FAN1: variants seen among roughly 807,000 people sequenced by gnomAD.
FAN1 encodes FANCD2 and FANCI associated nuclease 1, also known as fanconi-associated nuclease 1.
FAN1 carries 91 observed loss-of-function variants against 104.9 expected under a neutral mutation model. The observed-to-expected ratio is 0.87, with a 90% CI of 0.73 to 1.03. The LOEUF is 1.03. FAN1 is among the 50% of genes least tolerant of loss of function. The pLI is 0.00. For missense variants in FAN1, 1,263 were observed against 1,239.9 expected (o/e 1.02, Z -0.28); for synonymous variants, 478 against 457.6 (o/e 1.04, Z -0.57).
intron 13 of FAN1, among the ~76,000 whole-genome samples, chr15:30,934,246 C>T (rs188917965): frequency 2.0e-3 from 307 of 152,110 alleles, no homozygotes; most frequent in South Asian, 3.7e-3. Context: ...CCACTTCAGC[C>T]TTCTTTTTTT....
chr15:30,909,260 G>C (rs531475756), intron 3 of FAN1, among the ~76,000 whole-genome samples: 6 of 152,200 alleles, frequency 3.9e-5, no homozygotes, highest in Non-Finnish European at 8.8e-5. Flanking sequence ...ATTGTGGGGA[G>C]CAGTAAGTGG....
intron 10 of FAN1, chr15:30,927,618 G>A (rs752063014): frequency 9.5e-5 from 94 of 985,450 alleles, no homozygotes; most frequent in Non-Finnish European, 1.1e-4. Context: ...GTAAATGTCA[G>A]GTGGGACCAG....
intron 2 of FAN1, 71 bp downstream of exon 2, chr15:30,905,968 TGG>T: frequency 2.1e-6 from 3 of 1,417,216 alleles, no homozygotes; most frequent in Non-Finnish European, 2.9e-6. Flanking sequence ...CATGATGTGA[TGG>T]GCAGTAATCT....
chr15:30,929,676 A>G (rs1351416130), intron 12 of FAN1, among the ~76,000 whole-genome samples: 2 of 118,718 alleles, frequency 1.7e-5, no homozygotes, highest in Middle Eastern at 6.9e-3. Context: ...TATATAATAT[A>G]TCATATAATA....
At position 30,905,133 on chromosome 15, in the gene FAN1, C is replaced by A; in HGVS notation, c.470C>A (p.Ser157Tyr). ...GTCATTTGTTTGGGAAGCCTAGCAT[C>A]TAAATTGTCCAGAAAATACGTAAAG... ...VKVICLGSLA[S>Y]KLSRKYVKAK... Residue 157 changes from serine to tyrosine, a missense_variant, in exon 2 of 15, where the codon TCT becomes TAT. Ser to Tyr is a moderately radical substitution (Grantham distance 144). Coordinates refer to ENST00000362065, the MANE Select transcript of FAN1 (RefSeq NM_014967.5). The A allele has an allele frequency of 1.2e-6, 2 of 1,613,960 alleles. No individual in the cohort carries two copies. Among genetic ancestry groups the A allele is most frequent in the Non-Finnish European group, 1.7e-6 (2 of 1,180,024 alleles).
intron 10 of FAN1, chr15:30,927,826 T>G: frequency 1.0e-6 from 1 of 985,656 alleles, no homozygotes; most frequent in African/African-American, 1.7e-5. Context: ...GTCTGTGTGT[T>G]GTGCCAAGGC....
Position 30,929,377 on chromosome 15 carries a change from A to G in FAN1, c.2767A>G (p.Thr923Ala). ...VASLVSWDRF[T>A]SLQQAQDLVS... ...TTCCCTTGTCAGCTGGGATCGCTTCACGTCTCTTCAGCAAGCTCAGGTAAT... is the reference window on the plus strand; with the variant it reads ...TTCCCTTGTCAGCTGGGATCGCTTCGCGTCTCTTCAGCAAGCTCAGGTAAT... The change falls in exon 12 of 15, where the codon ACG (threonine) becomes GCG (alanine). Residue 923 changes from threonine (T) to alanine (A), a missense_variant. Thr to Ala is a moderately conservative substitution (Grantham distance 58). This residue lies in a region of FAN1 where 581 missense variants were observed against 668.8 expected (regional missense o/e 0.87). Transcript: ENST00000362065. 6.2e-7 allele frequency: 1 copy of G among 1,607,092 alleles called. No homozygotes were observed. The highest frequency in any genetic ancestry group is 8.5e-7 in the Non-Finnish European group (1 of 1,176,736).
At position 30,942,854 on chromosome 15, in the gene FAN1, G is replaced by A. The variant is rs772649590; in HGVS notation, c.*1292G>A. On this transcript the variant is annotated 3_prime_UTR_variant, in exon 15 of 15. Transcript: ENST00000362065. Reference sequence around the variant, plus strand: ...CTGAAAAAGAGGTGTTTGGTTACGTGTGAGCCAACATCACGTTTTGTTAGC... The same window carrying A: ...CTGAAAAAGAGGTGTTTGGTTACGTATGAGCCAACATCACGTTTTGTTAGC... The A allele has an allele frequency of 1.3e-6, 2 of 1,529,952 alleles. No homozygotes were observed. The highest frequency in any genetic ancestry group is 2.4e-5 in the East Asian group (1 of 41,174). 94.8% of individuals were successfully genotyped at this position (1,529,952 alleles called of 1,614,324 possible).
At chr15:30,904,415 GT>G in intron 1 of FAN1, 96 bp from the exon 2 acceptor site, 1 of 575,310 alleles carries the variant, frequency 1.7e-6, no homozygotes, top group South Asian at 2.0e-5. Flanking sequence ...TTGTCTCCTC[GT>G]TACAGGAGAC....
chr15:30,939,541 G>A (rs1193010307), intron 14 of FAN1: 1 of 971,796 alleles, frequency 1.0e-6, no homozygotes, highest in East Asian at 1.1e-4. Context: ...AAAAATAAAA[G>A]TATTTTACAT....
chr15:30,936,951 G>C (rs1039636079), intron 13 of FAN1, among the ~76,000 whole-genome samples, 168 bp from the exon 14 acceptor site: 4 of 152,130 alleles, frequency 2.6e-5, no homozygotes, highest in African/African-American at 4.8e-5. Flanking sequence ...AAATCCTAAG[G>C]TGAACCATTG....
intron 2 of FAN1, among the ~76,000 whole-genome samples, chr15:30,906,851 A>C (rs1303223201): frequency 2.0e-5 from 3 of 152,192 alleles, no homozygotes; most frequent in African/African-American, 7.2e-5. Flanking sequence ...ATAATAGCAC[A>C]TTGGCTTTTC....
intron 12 of FAN1, 21 bp downstream of exon 12, chr15:30,929,418 C>G: frequency 2.5e-6 from 4 of 1,574,144 alleles, no homozygotes; most frequent in Non-Finnish European, 3.5e-6. Flanking sequence ...ACCTGCATGG[C>G]AGGATTTGCT....
At chr15:30,910,467 C>T in intron 3 of FAN1, 147 bp from the exon 4 acceptor site, 7 of 544,886 alleles carry the variant, frequency 1.3e-5, no homozygotes, top group Non-Finnish European at 2.3e-5. Context: ...TTAATAATAC[C>T]ATGTTAATAA....
Position 30,908,267 on chromosome 15 carries a change from A to G in FAN1, c.1375+9A>G. ...AGGCTTTCTACAGACAGGTATGACT[A>G]GTAGAAGGAGATGTGAAATGAAAAT... On this transcript the variant is annotated intron_variant, in intron 3 of 14. Transcript: ENST00000362065. The G allele has an allele frequency of 6.4e-7, 1 of 1,571,964 alleles. No individual in the cohort carries two copies. The highest frequency in any genetic ancestry group is 8.6e-7 in the Non-Finnish European group (1 of 1,161,774).
rs1301466836 is a variant in FAN1, at chr15:30,904,687, T to A, written c.24T>A (p.Pro8=). The change falls in exon 2 of 15, where the codon CCT becomes CCA. Residue 8 remains proline (P), a synonymous_variant. Transcript: ENST00000362065. ...TCATGATGTCAGAAGGGAAACCTCC[T>A]GACAAAAAAAGGCCTCGTAGAAGCT... is the stretch of plus-strand genomic sequence containing the variant. MMSEGKP[P]DKKRPRRSLS... The A allele has an allele frequency of 6.2e-7, 1 of 1,605,050 alleles. No homozygotes were observed. Among genetic ancestry groups the A allele is most frequent in the Non-Finnish European group, 8.5e-7 (1 of 1,175,898 alleles).
At chr15:30,941,004 G>C in intron 14 of FAN1, 1 of 1,165,798 alleles carries the variant, frequency 8.6e-7, no homozygotes, top group Non-Finnish European at 1.1e-6. Context: ...CATCAGGTGA[G>C]TTCAATTAGA....
intron 13 of FAN1, 93 bp from the exon 14 acceptor site, chr15:30,937,026 A>G: frequency 1.0e-6 from 1 of 982,358 alleles, no homozygotes; most frequent in Non-Finnish European, 1.6e-6. Flanking sequence ...CAGAAGAGCC[A>G]TTTAAATAGT....
At chr15:30,915,469 G>A (rs1275454119) in intron 5 of FAN1, among the ~76,000 whole-genome samples, 1 of 152,174 alleles carries the variant, frequency 6.6e-6, no homozygotes, top group Non-Finnish European at 1.5e-5. Flanking sequence ...ACAAAGAAAT[G>A]ATAAATGTTT....
Sources: gnomAD v4.1 joint callset for allele counts (sites outside exome capture counted in the v4.1 genomes callset) on GRCh38, gnomAD v4.1.1 for gene constraint, gnomAD v4.1.1 regional missense constraint, MANE v1.5 for transcripts, NCBI Gene and HGNC (gene_info 2026-07-23, HGNC 2026-07-21) for gene names.